The following GARNL3 variants were observed in gnomAD, a reference collection of about 807,000 sequenced individuals.
GARNL3 encodes GTPase activating Rap/RanGAP domain like 3, also known as GTPase-activating Rap/Ran-GAP domain-like protein 3.
A neutral mutation model predicts 125.0 loss-of-function variants in GARNL3; 63 were observed. The observed-to-expected ratio is 0.50, with a 90% confidence interval of 0.41 to 0.62. GARNL3 has a LOEUF of 0.62. GARNL3 is among the 20% of genes least tolerant of loss of function. The pLI is 0.00. For synonymous variants in GARNL3, 439 were observed against 457.5 expected (o/e 0.96, Z 0.52); for missense variants, 994 against 1,244.0 (o/e 0.80, Z 3.02).
intron 21 of GARNL3, among the ~76,000 whole-genome samples, chr9:127,359,030 G>C (rs1213378336): frequency 1.3e-5 from 2 of 152,072 alleles, no homozygotes; most frequent in African/African-American, 4.8e-5. Flanking sequence ...TACTAATATA[G>C]ACCTAGGAGA....
intron 24 of GARNL3, 89 bp from the exon 25 acceptor site, chr9:127,387,104 T>G: frequency 2.9e-6 from 4 of 1,361,736 alleles, no homozygotes; most frequent in Non-Finnish European, 4.1e-6. Flanking sequence ...TGGGGACCAG[T>G]TGGAGGGTTT....
intron 2 of GARNL3, among the ~76,000 whole-genome samples, chr9:127,254,353 G>A (rs2063458576): frequency 6.6e-6 from 1 of 152,162 alleles, no homozygotes; most frequent in African/African-American, 2.4e-5. Flanking sequence ...GATTGAAAAT[G>A]TCTGCATTAG....
At chr9:127,255,426 A>T (rs1031515294) in intron 2 of GARNL3, among the ~76,000 whole-genome samples, 1 of 152,214 alleles carries the variant, frequency 6.6e-6, no homozygotes, top group Admixed American at 6.5e-5. Context: ...TTTTTAAAAC[A>T]TGCTAAACAA....
chr9:127,338,212 AT>A, intron 12 of GARNL3, 51 bp downstream of exon 12: 1 of 1,343,760 alleles, frequency 7.4e-7, no homozygotes, highest in East Asian at 2.3e-5. Flanking sequence ...ATGCTTGTTA[AT>A]TTAGCATTGA....
rs528371773 is a variant in GARNL3, at chr9:127,371,298, C to T, written c.2161+5932C>T. On this transcript the variant is annotated intron_variant, in intron 22 of 27. Coordinates refer to ENST00000373387, the MANE Select transcript of GARNL3 (RefSeq NM_032293.5). ...TGCTGCTGGAGTCAGCTTCCTAGAACCCTGATGCTATCCTCTCACTTTCCC... is the reference window on the plus strand; with the variant it reads ...TGCTGCTGGAGTCAGCTTCCTAGAATCCTGATGCTATCCTCTCACTTTCCC... Among the ~76,000 whole-genome samples, 117 of 152,322 alleles carry T rather than the reference C, an allele frequency of 7.7e-4. 2 individuals carry two copies. The highest frequency in any genetic ancestry group is 2.6e-3 in the African/African-American group (109 of 41,560).
intron 22 of GARNL3, among the ~76,000 whole-genome samples, 200 bp downstream of exon 22, chr9:127,365,566 G>C (rs2131723654): frequency 6.6e-6 from 1 of 152,314 alleles, no homozygotes. Context: ...CACAGTGCAA[G>C]AACTGGCACT....
chr9:127,323,808 A>T (rs1366015183), intron 6 of GARNL3, among the ~76,000 whole-genome samples: 1 of 152,190 alleles, frequency 6.6e-6, no homozygotes, highest in African/African-American at 2.4e-5. Flanking sequence ...AATTAAAAAT[A>T]AAAAAATTAA....
At chr9:127,331,915 C>T (rs774087161) in intron 7 of GARNL3, among the ~76,000 whole-genome samples, 8 of 151,770 alleles carry the variant, frequency 5.3e-5, no homozygotes, top group Non-Finnish European at 8.8e-5. Flanking sequence ...GGGATTTGGA[C>T]GGTTGCTCAT....
At chr9:127,272,773 A>G (rs974076495) in intron 1 of GARNL3, among the ~76,000 whole-genome samples, 1 of 152,202 alleles carries the variant, frequency 6.6e-6, no homozygotes, top group Non-Finnish European at 1.5e-5. Flanking sequence ...TACAAAGTAT[A>G]TCAGAACATT....
intron 5 of GARNL3, among the ~76,000 whole-genome samples, chr9:127,318,383 G>C (rs2065298766): frequency 6.6e-6 from 1 of 152,216 alleles, no homozygotes; most frequent in Non-Finnish European, 1.5e-5. Flanking sequence ...CATATAGCAA[G>C]TGTGTAGTGG....
intron 15 of GARNL3, among the ~76,000 whole-genome samples, chr9:127,344,977 A>C (rs991156247): frequency 6.6e-6 from 1 of 152,206 alleles, no homozygotes; most frequent in African/African-American, 2.4e-5. Context: ...CAGAAGTAGA[A>C]AGCTAGACAA....
chr9:127,243,797 G>C (rs182159380), intron 2 of GARNL3, among the ~76,000 whole-genome samples: 5 of 152,276 alleles, frequency 3.3e-5, no homozygotes, highest in African/African-American at 1.2e-4. Context: ...GGTGGTAACT[G>C]TGTTTTTATA....
intron 7 of GARNL3, among the ~76,000 whole-genome samples, chr9:127,328,840 A>G (rs1324917910): frequency 1.3e-5 from 2 of 152,178 alleles, no homozygotes; most frequent in Non-Finnish European, 2.9e-5. Context: ...TTGTCTTGTA[A>G]AATTTAGAAC....
At chr9:127,357,569 A>G (rs541960571) in intron 21 of GARNL3, among the ~76,000 whole-genome samples, 192 bp downstream of exon 21, 26 of 152,288 alleles carry the variant, frequency 1.7e-4, no homozygotes, top group African/African-American at 5.8e-4. Context: ...GGTTCTATCT[A>G]TTATCATGTG....
At position 127,331,720 on chromosome 9, in the gene GARNL3, C is replaced by CTTGCTTTTTTTTTTTTTTTTTTTTTTTTT. The variant is rs367597623; in HGVS notation, c.595-552_595-551insGCTTTTTTTTTTTTTTTTTTTTTTTTTTT. ...CTACTGCTTGCTTGGCTTGGGCTTGCTTTTTTTTTTTTTTTCACATCTGTT... is the reference window on the plus strand; with the variant it reads ...CTACTGCTTGCTTGGCTTGGGCTTGCTTGCTTTTTTTTTTTTTTTTTTTTTTTTTTTTTTTTTTTTTTTTCACATCTGTT... On this transcript the variant is annotated intron_variant, in intron 7 of 27. Transcript: ENST00000373387. Among the ~76,000 whole-genome samples the CTTGCTTTTTTTTTTTTTTTTTTTTTTTTT allele has an allele frequency of 3.6e-4, 27 of 74,402 alleles. 1 individual carries two copies. Among genetic ancestry groups the CTTGCTTTTTTTTTTTTTTTTTTTTTTTTT allele is most frequent in the African/African-American group, 1.2e-3 (26 of 20,912 alleles). 48.8% of individuals were successfully genotyped at this position (74,402 alleles called of 152,430 possible).
rs2063035867 is a variant in GARNL3, at chr9:127,232,472, T to C, written c.-29+8134T>C. On this transcript the variant is annotated intron_variant, in intron 1 of 10. Transcript: ENST00000439286. ...ACAGGTATGCACAACTACTCCTGGC[T>C]AATTTTTAAATTTTTGTGTAGAGAT... Among the ~76,000 whole-genome samples, 5 of 152,130 alleles carry C rather than the reference T, an allele frequency of 3.3e-5. No homozygotes were observed. In the South Asian group the frequency reaches 1.0e-3, roughly 32 times the overall value.
intron 1 of GARNL3, among the ~76,000 whole-genome samples, chr9:127,286,275 G>C (rs2064247007): frequency 6.6e-6 from 1 of 152,222 alleles, no homozygotes; most frequent in Non-Finnish European, 1.5e-5. Flanking sequence ...GGAGGGGTAA[G>C]ATCTCAGACT....
chr9:127,333,148 T>C lies in GARNL3; in HGVS notation c.769+27T>C, dbSNP rs201724759. On this transcript the variant is annotated intron_variant, in intron 9 of 27. Coordinates refer to ENST00000373387, the MANE Select transcript of GARNL3 (RefSeq NM_032293.5). ...TAAGCCTGCCTCTTGATCTATTCTG[T>C]TGTAATTTGTATAACTTTTGTAAGT... 4.5e-6 allele frequency: 7 copies of C among 1,557,612 alleles called. No individual in the cohort carries two copies. The East Asian group carries it at 1.3e-4, about 30-fold the overall frequency.
chr9:127,285,205 G>A (rs1489347190), intron 1 of GARNL3, among the ~76,000 whole-genome samples: 2 of 152,188 alleles, frequency 1.3e-5, no homozygotes, highest in Non-Finnish European at 2.9e-5. Flanking sequence ...GCCGAGGTGG[G>A]CGGATCACCT....
Sources: gnomAD v4.1 joint callset for allele counts (sites outside exome capture counted in the v4.1 genomes callset) on GRCh38, gnomAD v4.1.1 for gene constraint, MANE v1.5 for transcripts, NCBI Gene and HGNC (gene_info 2026-07-23, HGNC 2026-07-21) for gene names.